The following FBLN1 variants were observed in gnomAD, a reference collection of about 807,000 sequenced individuals.
FBLN1 encodes fibulin 1.
In FBLN1, 34 loss-of-function variants were observed where a neutral mutation model predicts 89.7. The observed-to-expected ratio is 0.38, with a 90% CI of 0.29 to 0.50. The LOEUF is 0.50. FBLN1 is among the 20% of genes least tolerant of loss of function. FBLN1 has a pLI of 0.92. For missense variants in FBLN1, 777 were observed against 988.1 expected (o/e 0.79, Z 2.86); for synonymous variants, 393 against 391.3 (o/e 1.00, Z -0.05).
intron 2 of FBLN1, 115 bp downstream of exon 2, chr22:45,518,902 G>T (rs764553254): frequency 4.2e-6 from 4 of 961,068 alleles, no homozygotes; most frequent in Non-Finnish European, 6.5e-6. Flanking sequence ...CCCAGGCCCG[G>T]ATCCATCCAG....
At chr22:45,519,466 C>CA (rs973099319) in intron 2 of FBLN1, among the ~76,000 whole-genome samples, 102 of 150,412 alleles carry the variant, frequency 6.8e-4, no homozygotes, top group Admixed American at 2.1e-3. Context: ...ACTAAAAATA[C>CA]AAAAAAAATT....
intron 16 of FBLN1, among the ~76,000 whole-genome samples, chr22:45,589,068 T>A (rs1569267627): frequency 2.0e-5 from 1 of 50,586 alleles, no homozygotes; most frequent in Non-Finnish European, 6.8e-5. Flanking sequence ...ATGTATTTTT[T>A]ATATATAAAA....
chr22:45,528,041 G>A, intron 4 of FBLN1, 32 bp downstream of exon 4: 2 of 1,609,416 alleles, frequency 1.2e-6, no homozygotes, highest in Non-Finnish European at 1.7e-6. Flanking sequence ...CTAATGAGCA[G>A]TGTATTAAGG....
At chr22:45,553,805 A>G in intron 14 of FBLN1, among the ~76,000 whole-genome samples, 1 of 152,108 alleles carries the variant, frequency 6.6e-6, no homozygotes, top group South Asian at 2.1e-4. Context: ...CGGGAGCTGC[A>G]CCAGAACACC....
intron 1 of FBLN1, among the ~76,000 whole-genome samples, chr22:45,514,251 T>G (rs1180612412): frequency 6.6e-6 from 1 of 152,206 alleles, no homozygotes; most frequent in African/African-American, 2.4e-5. Context: ...GTGCCCTTGT[T>G]TTGGAACCCA....
At chr22:45,596,101 C>T (rs1382170433) in intron 16 of FBLN1, among the ~76,000 whole-genome samples, 7 of 152,188 alleles carry the variant, frequency 4.6e-5, no homozygotes, top group Non-Finnish European at 7.3e-5. Flanking sequence ...GATCTCCTGA[C>T]CTTGTGATCC....
At chr22:45,540,486 A>G (rs750522613) in intron 8 of FBLN1, among the ~76,000 whole-genome samples, 1 of 151,612 alleles carries the variant, frequency 6.6e-6, no homozygotes, top group African/African-American at 2.4e-5. Context: ...TTCCACCATC[A>G]CTCCCTCTCT....
intron 1 of FBLN1, among the ~76,000 whole-genome samples, chr22:45,515,601 G>A (rs1413992134): frequency 6.6e-6 from 1 of 152,150 alleles, no homozygotes; most frequent in Non-Finnish European, 1.5e-5. Context: ...GAGGCTCTGG[G>A]GCCACAGCTC....
At chr22:45,518,580 C>A in intron 1 of FBLN1, 102 bp from the exon 2 acceptor site, 1 of 853,950 alleles carries the variant, frequency 1.2e-6, no homozygotes, top group Non-Finnish European at 1.9e-6. Flanking sequence ...CTGATGCTGT[C>A]GTCAAGACAG....
Position 45,577,585 on chromosome 22 carries a change from C to T in FBLN1, c.1972+477C>T, listed in dbSNP as rs561665384. 2.6e-5 allele frequency among the ~76,000 whole-genome samples: 4 copies of T among 152,328 alleles called. No individual in the cohort carries two copies. Among genetic ancestry groups the T allele is most frequent in the East Asian group, 1.9e-4 (1 of 5,170 alleles). ...TCTCAGCCTTGGAACTAGCTGGATT[C>T]GCCATGTGGCCTTGAGCAGTAGTCG... On this transcript the variant is annotated intron_variant, in intron 16 of 16. Coordinates refer to ENST00000327858, the MANE Select transcript of FBLN1 (RefSeq NM_006486.3). The surrounding 1 kb of genome is among the most constrained non-coding windows in gnomAD (Gnocchi z 6.6).
rs1375796828 is a variant in FBLN1, at chr22:45,531,264, G to GATA, written c.486_488dup (p.Asp162_Lys163insAsn). The GATA allele has an allele frequency of 6.2e-7, 1 of 1,613,862 alleles. No homozygotes were observed. The highest frequency in any genetic ancestry group is 1.7e-5 in the Admixed American group (1 of 60,000). On this transcript the variant is annotated inframe_insertion and splice_region_variant. Coordinates refer to ENST00000327858, the MANE Select transcript of FBLN1 (RefSeq NM_006486.3). The surrounding 1 kb of genome is among the most constrained non-coding windows in gnomAD (Gnocchi z 4.9). ...TCTGACTTGGTCTTTTTCCCCCTTA[G>GATA]ATAAGATCATTGAGGTTGAGGAGGA... is the stretch of plus-strand genomic sequence containing the variant.
intron 16 of FBLN1, among the ~76,000 whole-genome samples, chr22:45,587,259 C>T (rs1349790343): frequency 3.3e-5 from 5 of 150,840 alleles, no homozygotes; most frequent in Admixed American, 1.3e-4. Flanking sequence ...CATCCATCCC[C>T]GCTGCCCGGC....
Position 45,574,662 on chromosome 22 carries a change from G to C in FBLN1, c.1840+9G>C. On this transcript the variant is annotated intron_variant, in intron 15 of 16. Transcript: ENST00000327858. The surrounding 1 kb of genome is among the most constrained non-coding windows in gnomAD (Gnocchi z 4.1). Reference sequence around the variant, plus strand: ...GTTCACCCGCCCTGAAGGTGAGTGGGATGGGTGTGGGGGTCCCAGGGCCCC... The same window carrying C: ...GTTCACCCGCCCTGAAGGTGAGTGGCATGGGTGTGGGGGTCCCAGGGCCCC... 2 of 1,612,450 alleles carry C rather than the reference G, an allele frequency of 1.2e-6. No individual in the cohort carries two copies. The highest frequency in any genetic ancestry group is 2.2e-5 in the East Asian group (1 of 44,838).
chr22:45,504,973 C>T (rs958877086), intron 1 of FBLN1, among the ~76,000 whole-genome samples: 4 of 152,208 alleles, frequency 2.6e-5, no homozygotes, highest in Admixed American at 1.3e-4. Flanking sequence ...GTGAGGCCCC[C>T]GAAGCCCTGT....
At position 45,576,018 on chromosome 22, in the gene FBLN1, ACAC is replaced by A. The variant is rs1360186448; in HGVS notation, c.1841-956_1841-954del. 6.6e-6 allele frequency among the ~76,000 whole-genome samples: 1 copy of A among 151,886 alleles called. No homozygotes were observed. The highest frequency in any genetic ancestry group is 1.5e-5 in the Non-Finnish European group (1 of 67,964). On this transcript the variant is annotated intron_variant, in intron 15 of 16. Coordinates refer to ENST00000327858, the MANE Select transcript of FBLN1 (RefSeq NM_006486.3). This position sits in a 1 kb window ranked among gnomAD's most constrained non-coding sequence, Gnocchi z 5.2. ...GCCAGCCGCGAGGACACCAGTGTTTACACCATGACACAACCATGCGGGGGGGTG... is the reference window on the plus strand; with the variant it reads ...GCCAGCCGCGAGGACACCAGTGTTTACATGACACAACCATGCGGGGGGGTG...
intron 16 of FBLN1, among the ~76,000 whole-genome samples, chr22:45,594,696 AGATG>A (rs201180295): frequency 0.014 from 2,054 of 143,058 alleles, 28 homozygotes; most frequent in East Asian, 0.027. Flanking sequence ...ATTGGTGGAT[AGATG>A]GATGGATGGA....
intron 9 of FBLN1, among the ~76,000 whole-genome samples, chr22:45,541,923 C>T (rs1214211120): frequency 1.3e-5 from 2 of 152,244 alleles, no homozygotes; most frequent in Non-Finnish European, 2.9e-5. Context: ...CTGGGCACTT[C>T]CTACCTTAAT....
At chr22:45,599,839 C>T (rs1360054258) in intron 16 of FBLN1, among the ~76,000 whole-genome samples, 3 of 152,162 alleles carry the variant, frequency 2.0e-5, no homozygotes, top group Non-Finnish European at 4.4e-5. Context: ...ATGGCTTGAA[C>T]CCGGGAGGTG....
chr22:45,543,533 C>G lies in FBLN1; in HGVS notation c.1321+7C>G, dbSNP rs982718683. 6.2e-6 allele frequency: 10 copies of G among 1,612,434 alleles called. No individual in the cohort carries two copies. Among genetic ancestry groups the G allele is most frequent in the Non-Finnish European group, 8.5e-6 (10 of 1,179,882 alleles). ...GATGGCAGGTCATGTGAAGGTGAGG[C>G]TGGGGCCCCGTCCACTCACCTCCCC... On this transcript the variant is annotated splice_region_variant and intron_variant, in intron 11 of 16. Coordinates refer to ENST00000327858, the MANE Select transcript of FBLN1 (RefSeq NM_006486.3).
Sources: gnomAD v4.1 joint callset for allele counts (sites outside exome capture counted in the v4.1 genomes callset) on GRCh38, gnomAD v4.1.1 for gene constraint, Gnocchi (gnomAD v3.1) non-coding constraint, MANE v1.5 for transcripts, NCBI Gene and HGNC (gene_info 2026-07-23, HGNC 2026-07-21) for gene names.